The following CSMD1 variants were observed in gnomAD, a reference collection of about 807,000 sequenced individuals.
CSMD1 encodes the protein CUB and Sushi multiple domains 1, also known as CUB and sushi domain-containing protein 1.
CSMD1 carries 213 observed loss-of-function variants against 417.5 expected under a neutral mutation model. The ratio of observed to expected loss-of-function variants is 0.51; its 90% CI spans 0.46 to 0.57. The LOEUF is 0.57. CSMD1 is among the 20% of genes least tolerant of loss of function. The probability of loss-of-function intolerance (pLI) is 0.00; values close to 1 mark genes in which losing one functional copy is unlikely to be tolerated. For missense variants in CSMD1, 6,923 were observed against 4,529.7 expected (o/e 1.53, Z -15.17); for synonymous variants, 2,862 against 1,736.8 (o/e 1.65, Z -16.11).
intron 5 of CSMD1, among the ~76,000 whole-genome samples, chr8:3,906,524 T>C (rs945164328): frequency 3.7e-5 from 3 of 81,988 alleles, no homozygotes; most frequent in East Asian, 3.8e-4. Context: ...TTGTGCTCAC[T>C]GTAAAGAGTG....
At chr8:4,461,426 CA>C (rs1483492402) in intron 2 of CSMD1, among the ~76,000 whole-genome samples, 1 of 151,202 alleles carries the variant, frequency 6.6e-6, no homozygotes, top group African/African-American at 2.4e-5. Context: ...TAACTATTTA[CA>C]AATCACATGA....
At chr8:4,212,734 A>T (rs547793766) in intron 3 of CSMD1, among the ~76,000 whole-genome samples, 1 of 141,200 alleles carries the variant, frequency 7.1e-6, no homozygotes, top group Admixed American at 7.1e-5. Context: ...TGAAAAGTTT[A>T]CAACAGCGGC....
chr8:4,226,530 C>G (rs1801367949), intron 3 of CSMD1, among the ~76,000 whole-genome samples: 1 of 152,030 alleles, frequency 6.6e-6, no homozygotes, highest in Non-Finnish European at 1.5e-5. Flanking sequence ...AACAATTAGC[C>G]TTGATCCTAA....
intron 5 of CSMD1, among the ~76,000 whole-genome samples, chr8:3,846,511 A>G (rs146360678): frequency 5.3e-5 from 8 of 152,332 alleles, no homozygotes; most frequent in South Asian, 4.1e-4. Flanking sequence ...CATAGAAAGT[A>G]TTTCACAGGA....
chr8:4,027,501 G>T (rs1429955798), intron 4 of CSMD1, among the ~76,000 whole-genome samples: 2 of 152,036 alleles, frequency 1.3e-5, no homozygotes, highest in Admixed American at 1.3e-4. Context: ...GCTTTATAAG[G>T]GTCTTTCACC....
chr8:3,325,323 A>C (rs1806454587), intron 23 of CSMD1, among the ~76,000 whole-genome samples: 1 of 152,266 alleles, frequency 6.6e-6, no homozygotes, highest in South Asian at 2.1e-4. Context: ...ATATTCTGTC[A>C]TCGCTCCTAT....
At chr8:4,223,898 T>C (rs997052726) in intron 3 of CSMD1, among the ~76,000 whole-genome samples, 3 of 152,200 alleles carry the variant, frequency 2.0e-5, no homozygotes, top group Non-Finnish European at 4.4e-5. Flanking sequence ...AAAATGCTTA[T>C]CACTATTTCT....
intron 3 of CSMD1, among the ~76,000 whole-genome samples, chr8:4,077,308 T>TATATGTAC (rs1459537464): frequency 2.5e-5 from 3 of 120,296 alleles, no homozygotes; most frequent in African/African-American, 8.7e-5. Context: ...TATATATATA[T>TATATGTAC]ATATATATAT....
chr8:3,501,675 C>G (rs979716102), intron 10 of CSMD1, among the ~76,000 whole-genome samples: 2 of 152,122 alleles, frequency 1.3e-5, no homozygotes, highest in Non-Finnish European at 2.9e-5. Flanking sequence ...AAAGGCCTTT[C>G]AAACAGTGAA....
intron 1 of CSMD1, among the ~76,000 whole-genome samples, chr8:4,648,131 C>T (rs564170541): frequency 6.6e-6 from 1 of 152,338 alleles, no homozygotes; most frequent in African/African-American, 2.4e-5. Flanking sequence ...GATGGCATCT[C>T]ACTGTGGTTT....
intron 1 of CSMD1, among the ~76,000 whole-genome samples, chr8:4,913,827 C>G (rs1163669755): frequency 2.6e-5 from 4 of 152,182 alleles, no homozygotes; most frequent in African/African-American, 7.2e-5. Context: ...GGCTTCATAA[C>G]CAGAAGAGCT....
intron 3 of CSMD1, among the ~76,000 whole-genome samples, chr8:4,065,194 A>G (rs1391687026): frequency 1.3e-5 from 2 of 152,218 alleles, no homozygotes; most frequent in African/African-American, 2.4e-5. Context: ...CAAACCATTC[A>G]TAACTTCTTA....
intron 1 of CSMD1, among the ~76,000 whole-genome samples, chr8:4,671,896 A>G (rs553492401): frequency 1.3e-5 from 2 of 152,266 alleles, no homozygotes; most frequent in East Asian, 1.9e-4. Context: ...GAAACCCTCC[A>G]CTAAGTTGCC....
intron 2 of CSMD1, among the ~76,000 whole-genome samples, chr8:4,603,600 G>A (rs1363415994): frequency 6.6e-6 from 1 of 152,116 alleles, no homozygotes; most frequent in Admixed American, 6.5e-5. Context: ...TTGCAAAATA[G>A]TGCGAAAACA....
intron 3 of CSMD1, among the ~76,000 whole-genome samples, chr8:4,124,398 A>G (rs1000412583): frequency 1.9e-5 from 1 of 51,400 alleles, no homozygotes; most frequent in African/African-American, 7.2e-5. Flanking sequence ...GAGACAGGGG[A>G]TTTGTATTTA....
chr8:4,141,457 A>C (rs546763296), intron 3 of CSMD1, among the ~76,000 whole-genome samples: 2 of 151,278 alleles, frequency 1.3e-5, no homozygotes, highest in African/African-American at 4.9e-5. Flanking sequence ...TCACGGTTTA[A>C]CACTGCTTTT....
intron 5 of CSMD1, among the ~76,000 whole-genome samples, chr8:3,770,948 G>C (rs1032283770): frequency 6.6e-6 from 1 of 152,046 alleles, no homozygotes; most frequent in Admixed American, 6.5e-5. Context: ...AATTCAATAG[G>C]AGGTAAGCAG....
intron 1 of CSMD1, among the ~76,000 whole-genome samples, chr8:4,893,554 C>G (rs908150727): frequency 1.7e-4 from 26 of 152,174 alleles, no homozygotes; most frequent in African/African-American, 6.3e-4. Context: ...TTCCTCAAAC[C>G]CAGATGACAA....
At chr8:3,979,083 T>C (rs554863023) in intron 5 of CSMD1, among the ~76,000 whole-genome samples, 2 of 152,204 alleles carry the variant, frequency 1.3e-5, no homozygotes, top group Non-Finnish European at 2.9e-5. Flanking sequence ...ACAGCGACCT[T>C]TGAACAGTAG....
Sources: allele counts gnomAD v4.1 joint callset (sites outside exome capture counted in the v4.1 genomes callset), GRCh38; gene constraint gnomAD v4.1.1; transcripts MANE v1.5; gene names NCBI Gene and HGNC (gene_info 2026-07-23, HGNC 2026-07-21).